ZNF91: variants seen among roughly 807,000 people sequenced by gnomAD.
ZNF91 encodes zinc finger protein 91 (HPF7, HTF10).
Under a neutral mutation model 12.6 loss-of-function variants are expected in ZNF91, and 7 were observed. That is an observed-to-expected ratio of 0.55 (90% CI 0.31 to 1.04). The LOEUF is 1.04. Ranked by LOEUF, ZNF91 falls within the 50% of genes least tolerant of loss-of-function variation. The pLI, the probability that ZNF91 is intolerant of heterozygous loss-of-function variation, is 0.05. For missense variants in ZNF91, 1,217 were observed against 1,385.4 expected (o/e 0.88, Z 1.93); for synonymous variants, 453 against 462.6 (o/e 0.98, Z 0.27).
At chr19:23,312,407 T>C (rs535439372), upstream of ZNF91, among the ~76,000 whole-genome samples, 7 of 152,220 alleles carry the variant, frequency 4.6e-5, no homozygotes, top group Non-Finnish European at 8.8e-5. Context: ...CATTTTTGTA[T>C]GAAGGTCATA....
At chr19:23,317,080 C>T (rs1967578111) in intron 1 of ZNF91, among the ~76,000 whole-genome samples, 1 of 151,590 alleles carries the variant, frequency 6.6e-6, no homozygotes, top group Admixed American at 6.6e-5. Flanking sequence ...GAGTCTCGCT[C>T]TGTCGCCCAG....
chr19:23,369,019 A>G (rs1969143646), intron 3 of ZNF91, among the ~76,000 whole-genome samples: 1 of 152,112 alleles, frequency 6.6e-6, no homozygotes. Context: ...TGCAATCAAA[A>G]TGAAACCCTT....
At chr19:23,366,975 C>T (rs772712794) in intron 3 of ZNF91, among the ~76,000 whole-genome samples, 11 of 152,306 alleles carry the variant, frequency 7.2e-5, no homozygotes, top group Middle Eastern at 3.4e-3. Context: ...TATTCTGTTA[C>T]GACACATACT....
intron 3 of ZNF91, among the ~76,000 whole-genome samples, chr19:23,340,844 A>G (rs956157107): frequency 4.6e-5 from 7 of 151,510 alleles, no homozygotes; most frequent in African/African-American, 7.2e-5. Flanking sequence ...ACAGAATAAA[A>G]GAAAATATTT....
intron 2 of ZNF91, chr19:23,308,520 T>C (rs1221470160): frequency 6.6e-6 from 1 of 152,136 alleles, no homozygotes; most frequent in Non-Finnish European, 1.5e-5. Flanking sequence ...GAGTGACTTA[T>C]CACTAGGGCC....
chr19:23,393,202 C>T (rs1970124459), intron 1 of ZNF91, among the ~76,000 whole-genome samples: 1 of 152,020 alleles, frequency 6.6e-6, no homozygotes, highest in South Asian at 2.1e-4. Flanking sequence ...ATCTGATTGG[C>T]TGGCCAGCAA....
chr19:23,391,217 T>C (rs1270622100), intron 1 of ZNF91, among the ~76,000 whole-genome samples: 1 of 152,230 alleles, frequency 6.6e-6, no homozygotes, highest in East Asian at 1.9e-4. Context: ...AAACGCTTTG[T>C]GCATTTTCTC....
chr19:23,369,946 T>C (rs532827925), intron 3 of ZNF91, among the ~76,000 whole-genome samples: 192 of 148,798 alleles, frequency 1.3e-3, no homozygotes, highest in Non-Finnish European at 2.3e-3. Context: ...CCCTCCACTA[T>C]TGTCCTATGA....
downstream of ZNF91, among the ~76,000 whole-genome samples, chr19:23,337,379 T>C (rs1968034460): frequency 6.6e-6 from 1 of 151,626 alleles, no homozygotes; most frequent in South Asian, 2.1e-4. Context: ...TATTTGTTTA[T>C]ACTGAAGAAA....
chr19:23,349,274 T>C (rs1313329839), intron 3 of ZNF91, among the ~76,000 whole-genome samples: 1 of 152,214 alleles, frequency 6.6e-6, no homozygotes, highest in Admixed American at 6.5e-5. Context: ...GTTGGTTTTG[T>C]GGCTTGGGGT....
Position 23,359,348 on chromosome 19 carries a change from G to A in ZNF91, c.*55C>T, listed in dbSNP as rs937790801. 24 of 626,294 alleles carry A rather than the reference G, an allele frequency of 3.8e-5. No individual in the cohort carries two copies. The highest frequency in any genetic ancestry group is 4.3e-4 in the Middle Eastern group (1 of 2,300). 38.8% of individuals were successfully genotyped at this position (626,294 alleles called of 1,614,324 possible). A position where few individuals can be genotyped will look rare whatever the true frequency, so the allele number is the denominator to read the frequency against. On this transcript the variant is annotated 3_prime_UTR_variant, in exon 4 of 4. Coordinates refer to ENST00000300619, the MANE Select transcript of ZNF91 (RefSeq NM_003430.4). ...CGCCATTCTCCTGCCTCAGCCTCTC[G>A]CATAGCTGGGACTACAGGCGCCCGC...
chr19:23,316,799 T>C (rs1967568939), intron 1 of ZNF91, among the ~76,000 whole-genome samples: 2 of 152,180 alleles, frequency 1.3e-5, no homozygotes, highest in Non-Finnish European at 2.9e-5. Context: ...TCATACATGG[T>C]GTAAATCCCT....
intron 3 of ZNF91, among the ~76,000 whole-genome samples, chr19:23,368,252 C>G (rs1969097059): frequency 6.6e-6 from 1 of 151,964 alleles, no homozygotes; most frequent in Non-Finnish European, 1.5e-5. Flanking sequence ...TGGCTCATGC[C>G]TGTAATCCCA....
chr19:23,350,340 T>TA (rs1259634287), intron 3 of ZNF91, among the ~76,000 whole-genome samples: 1 of 152,114 alleles, frequency 6.6e-6, no homozygotes, highest in Non-Finnish European at 1.5e-5. Flanking sequence ...GTAGGACCAG[T>TA]AATCTTCATC....
intron 3 of ZNF91, chr19:23,306,851 C>A (rs1344418720): frequency 2.0e-5 from 3 of 152,066 alleles, no homozygotes; most frequent in African/African-American, 7.2e-5. Flanking sequence ...AGTGCAGTGG[C>A]GTGATCTTTG....
rs2145049719 is a variant in ZNF91 at position 23,359,812 on chromosome 19, C to A, written c.3167G>T (p.Gly1056Val). ...GGTTGAGGATGATATAAATGCTTTG[C>A]CACATTCTTCACACTTGTAAGGTTT... ...GEKPYKCEEC[G>V]KAFISSSTLN... Residue 1056 changes from glycine (G) to valine (V), a missense_variant, in exon 4 of 4, where the codon GGC becomes GTC. Transcript: ENST00000300619. 6.2e-7 allele frequency: 1 copy of A among 1,613,722 alleles called. No homozygotes were observed. The highest frequency in any genetic ancestry group is 2.2e-5 in the East Asian group (1 of 44,826).
chr19:23,305,165 GC>G (rs1249966572), intron 3 of ZNF91: 3 of 152,128 alleles, frequency 2.0e-5, no homozygotes, highest in Non-Finnish European at 4.4e-5. Context: ...AGATTCCTTT[GC>G]ACACTTTAAC....
At chr19:23,330,956 T>C (rs1273092615) in intron 1 of ZNF91, among the ~76,000 whole-genome samples, 1 of 152,216 alleles carries the variant, frequency 6.6e-6, no homozygotes, top group Non-Finnish European at 1.5e-5. Context: ...AAAATTGGAA[T>C]CAATAGTATG....
intron 1 of ZNF91, 123 bp downstream of exon 1, chr19:23,395,202 G>A (rs891127551): frequency 5.6e-5 from 71 of 1,263,068 alleles, no homozygotes; most frequent in Non-Finnish European, 7.5e-5. Flanking sequence ...AGCTGGGCAA[G>A]GAGAACCCGG....
Sources: allele counts gnomAD v4.1 joint callset (sites outside exome capture counted in the v4.1 genomes callset), GRCh38; gene constraint gnomAD v4.1.1; transcripts MANE v1.5; gene names NCBI Gene and HGNC (gene_info 2026-07-23, HGNC 2026-07-21).